The following FCHO2 variants were observed in gnomAD, a reference collection of about 807,000 sequenced individuals.
The protein encoded by FCHO2 is FCH and mu domain containing endocytic adaptor 2, also known as F-BAR domain only protein 2.
A neutral mutation model predicts 114.1 loss-of-function variants in FCHO2; 43 were observed. The ratio of observed to expected loss-of-function variants is 0.38; its 90% confidence interval spans 0.30 to 0.49. The LOEUF (loss-of-function observed/expected upper bound fraction) is 0.49. Among genes scored for constraint, FCHO2 ranks in the 20% least tolerant of loss-of-function variants. The pLI, the probability that FCHO2 is intolerant of heterozygous loss-of-function variation, is 0.97. For missense variants in FCHO2, 807 were observed against 950.4 expected (o/e 0.85, Z 1.98); for synonymous variants, 293 against 315.2 (o/e 0.93, Z 0.75).
At chr5:72,960,107 C>A (rs1751773855) in intron 1 of FCHO2, among the ~76,000 whole-genome samples, 1 of 152,194 alleles carries the variant, frequency 6.6e-6, no homozygotes, top group South Asian at 2.1e-4. Context: ...ATCAAACAAC[C>A]TATTAATTGT....
rs566465408 is a variant in FCHO2, at chr5:73,060,139, T to A, written c.1345+1615T>A. Among the ~76,000 whole-genome samples, 9 of 152,100 alleles carry A rather than the reference T, an allele frequency of 5.9e-5. No individual in the cohort carries two copies. In the East Asian group the frequency reaches 1.4e-3, roughly 23 times the overall value. ...GCTCCCTGTCTAAAGAGTGTTTGGC[T>A]CATATCACCATCACTTCAGGTAAAA... On this transcript the variant is annotated intron_variant, in intron 17 of 25. Transcript: ENST00000430046.
intron 8 of FCHO2, among the ~76,000 whole-genome samples, chr5:73,028,317 GCTT>G (rs1756049585): frequency 1.3e-5 from 2 of 152,212 alleles, no homozygotes; most frequent in South Asian, 4.1e-4. Context: ...TACCTTGGCA[GCTT>G]CTTAGAAATT....
intron 10 of FCHO2, chr5:73,037,710 C>T (rs1305127207): frequency 2.7e-6 from 1 of 369,542 alleles, no homozygotes; most frequent in African/African-American, 2.2e-5. Context: ...TATACTAGGT[C>T]ATCATTTTTA....
intron 21 of FCHO2, among the ~76,000 whole-genome samples, chr5:73,077,894 A>G (rs1170938665): frequency 1.3e-5 from 2 of 152,042 alleles, no homozygotes; most frequent in Non-Finnish European, 2.9e-5. Context: ...AATAATATTC[A>G]ATTTGAAAAC....
At chr5:73,033,555 A>G (rs1423893993) in intron 8 of FCHO2, among the ~76,000 whole-genome samples, 2 of 152,172 alleles carry the variant, frequency 1.3e-5, no homozygotes, top group African/African-American at 4.8e-5. Flanking sequence ...AGAACCAGTA[A>G]CAAAATCCTC....
chr5:73,019,251 T>C (rs1445031723), intron 8 of FCHO2, among the ~76,000 whole-genome samples: 1 of 152,158 alleles, frequency 6.6e-6, no homozygotes, highest in African/African-American at 2.4e-5. Flanking sequence ...GTAAAATTCA[T>C]AAAGAATTTT....
intron 24 of FCHO2, among the ~76,000 whole-genome samples, chr5:73,085,413 G>T (rs182648359): frequency 6.6e-6 from 1 of 152,282 alleles, no homozygotes; most frequent in African/African-American, 2.4e-5. Context: ...CAGGTATCAG[G>T]TGTTTCTGTG....
chr5:73,085,744 C>T (rs1743280136), intron 24 of FCHO2, among the ~76,000 whole-genome samples: 1 of 150,988 alleles, frequency 6.6e-6, no homozygotes, highest in Admixed American at 6.6e-5. Flanking sequence ...CACTGTATTC[C>T]AGCTTGGGCC....
At chr5:73,043,505 CTT>C (rs1756910252) in intron 11 of FCHO2, among the ~76,000 whole-genome samples, 1 of 152,004 alleles carries the variant, frequency 6.6e-6, no homozygotes, top group Non-Finnish European at 1.5e-5. Flanking sequence ...TGCAGACACA[CTT>C]GATCAAGATT....
intron 2 of FCHO2, among the ~76,000 whole-genome samples, chr5:72,969,256 T>C (rs939766675): frequency 1.3e-5 from 2 of 152,204 alleles, no homozygotes; most frequent in Admixed American, 6.5e-5. Flanking sequence ...ACTCCATTTA[T>C]TCATGTATTC....
intron 5 of FCHO2, among the ~76,000 whole-genome samples, chr5:73,000,471 TAAAA>T (rs759939269): frequency 4.0e-5 from 3 of 74,418 alleles, no homozygotes; most frequent in African/African-American, 1.2e-4. Context: ...AACTCAGTCT[TAAAA>T]AAAAAAAAAA....
At chr5:73,065,515 T>C (rs1742261111) in intron 18 of FCHO2, among the ~76,000 whole-genome samples, 1 of 152,056 alleles carries the variant, frequency 6.6e-6, no homozygotes, top group Admixed American at 6.6e-5. Flanking sequence ...TAAACAGTTA[T>C]TTAATCAGAG....
At chr5:73,049,325 T>C (rs1336774946) in intron 11 of FCHO2, among the ~76,000 whole-genome samples, 2 of 152,220 alleles carry the variant, frequency 1.3e-5, no homozygotes, top group Non-Finnish European at 2.9e-5. Context: ...TAACCTTTTA[T>C]TTCTTTACTT....
In FCHO2 at chr5:72,993,461, G is replaced by A. The variant is rs1180488163; in HGVS notation, c.495+2597G>A. On this transcript the variant is annotated intron_variant, in intron 5 of 25. Transcript: ENST00000430046. ...ATTTGAAGAGTTAACAGCTCAAAAT[G>A]TTTCAGAATTGAAGAAATTCAAGAG... Among the ~76,000 whole-genome samples, 7 of 152,244 alleles carry A rather than the reference G, an allele frequency of 4.6e-5. No individual in the cohort carries two copies. The South Asian group carries it at 1.2e-3, about 27-fold the overall frequency.
chr5:73,063,549 A>G (rs1757939155), intron 17 of FCHO2, among the ~76,000 whole-genome samples: 1 of 152,106 alleles, frequency 6.6e-6, no homozygotes. Context: ...TGTTCTCATC[A>G]GCTAATGTAT....
At chr5:73,034,603 A>T in intron 8 of FCHO2, 54 bp from the exon 9 acceptor site, 4 of 1,431,422 alleles carry the variant, frequency 2.8e-6, no homozygotes, top group Non-Finnish European at 3.8e-6. Context: ...AAAGTTTTAA[A>T]ATTTACCTAA....
In FCHO2 at chr5:73,046,325, C is replaced by T. The variant is rs1036677635; in HGVS notation, c.939+5010C>T. Among the ~76,000 whole-genome samples, 2 of 152,254 alleles carry T rather than the reference C, an allele frequency of 1.3e-5. 1 individual carries two copies. Among genetic ancestry groups the T allele is most frequent in the South Asian group, 4.1e-4 (2 of 4,822 alleles). On this transcript the variant is annotated intron_variant, in intron 11 of 25. Transcript: ENST00000430046. ...CAAGTGATCCTCCTGTTTGACCCCC[C>T]CAAAATGCTGGGATTATAGGCCTGA...
intron 6 of FCHO2, among the ~76,000 whole-genome samples, chr5:73,011,739 CATCTT>C (rs1755024657): frequency 6.6e-6 from 1 of 152,090 alleles, no homozygotes; most frequent in African/African-American, 2.4e-5. Flanking sequence ...GATGAAACCT[CATCTT>C]TAATAAAAAT....
At chr5:72,959,835 A>C (rs1342011578) in intron 1 of FCHO2, among the ~76,000 whole-genome samples, 2 of 148,566 alleles carry the variant, frequency 1.3e-5, no homozygotes, top group African/African-American at 5.0e-5. Flanking sequence ...GCTGGCACGC[A>C]GTGGCACGAG....
Sources: allele counts gnomAD v4.1 joint callset (sites outside exome capture counted in the v4.1 genomes callset), GRCh38; gene constraint gnomAD v4.1.1; transcripts MANE v1.5; gene names NCBI Gene and HGNC (gene_info 2026-07-23, HGNC 2026-07-21).